Variants in PARG observed in about 807,000 individuals in gnomAD.
PARG encodes poly(ADP-ribose) glycohydrolase, also known as mitochondrial poly(ADP-ribose) glycohydrolase.
PARG carries 35 observed loss-of-function variants against 113.0 expected under a neutral mutation model. That is an observed-to-expected ratio of 0.31 (90% CI 0.24 to 0.41). The LOEUF (loss-of-function observed/expected upper bound fraction) is 0.41, where lower values mean the gene tolerates loss of function less well. Ranked by LOEUF, PARG falls within the 10% of genes least tolerant of loss-of-function variation. PARG has a pLI of 1.00. For synonymous variants in PARG, 330 were observed against 409.9 expected (o/e 0.81, Z 2.36); for missense variants, 797 against 1,169.4 (o/e 0.68, Z 4.64).
intron 4 of PARG, among the ~76,000 whole-genome samples, chr10:49,925,262 T>C (rs1276011333): frequency 3.9e-5 from 6 of 152,156 alleles, no homozygotes; most frequent in East Asian, 1.9e-4. Context: ...TAATGAAGCA[T>C]CTGGTAAGAG....
At chr10:49,844,760 CAAA>C (rs1373027226) in intron 13 of PARG, among the ~76,000 whole-genome samples, 1 of 151,470 alleles carries the variant, frequency 6.6e-6, no homozygotes, top group Non-Finnish European at 1.5e-5. Flanking sequence ...AAAACAAAAA[CAAA>C]AACAAAAAAC....
chr10:49,905,244 T>C (rs1186699625), intron 7 of PARG, among the ~76,000 whole-genome samples: 2 of 152,292 alleles, frequency 1.3e-5, no homozygotes, highest in Non-Finnish European at 2.9e-5. Context: ...AGACTGATAG[T>C]GGAATGTCAG....
At chr10:49,918,588 T>C (rs1837630701) in intron 6 of PARG, among the ~76,000 whole-genome samples, 1 of 152,234 alleles carries the variant, frequency 6.6e-6, no homozygotes. Flanking sequence ...AGTACTACTG[T>C]GTAAATCAAC....
At chr10:49,835,858 G>C (rs1170542606) in intron 15 of PARG, among the ~76,000 whole-genome samples, 1 of 152,040 alleles carries the variant, frequency 6.6e-6, no homozygotes, top group African/African-American at 2.4e-5. Context: ...AAGCACAAAC[G>C]TGACGATGGT....
chr10:49,933,456 T>C lies in PARG; in HGVS notation c.992A>G (p.Asp331Gly). 1 of 1,612,430 alleles carries C rather than the reference T, an allele frequency of 6.2e-7. No homozygotes were observed. The highest frequency in any genetic ancestry group is 8.5e-7 in the Non-Finnish European group (1 of 1,178,536). ...ETSPGFDEQE[D>G]GSSSQTANKP... is the part of the protein sequence containing the mutation. ...ATTTGCTGTTTGGGAGGAACTACCA[T>C]CTTCTTGTTCATCAAAACCTGGACT... Residue 331 changes from aspartate to glycine, a missense_variant, in exon 3 of 18, where the codon GAT (aspartate) becomes GGT (glycine). Around this residue, in one of 5 missense-constraint regions of PARG, gnomAD observed 252 missense variants for 437.4 expected, o/e 0.58. Transcript: ENST00000616448.
chr10:49,834,205 C>T (rs2132408016), intron 15 of PARG, among the ~76,000 whole-genome samples: 1 of 152,182 alleles, frequency 6.6e-6, no homozygotes, highest in South Asian at 2.1e-4. Context: ...TGAATAGGCT[C>T]TTGAAAGATA....
intron 15 of PARG, among the ~76,000 whole-genome samples, chr10:49,841,739 A>C (rs2132446006): frequency 6.6e-6 from 1 of 152,352 alleles, no homozygotes; most frequent in Non-Finnish European, 1.5e-5. Flanking sequence ...AAAACTAAGC[A>C]ACAGCCTATC....
chr10:49,866,765 T>C (rs1185551490), intron 10 of PARG, among the ~76,000 whole-genome samples: 8 of 152,182 alleles, frequency 5.3e-5, no homozygotes, highest in Non-Finnish European at 1.5e-5. Flanking sequence ...CATCTCAGAA[T>C]AGGATACTTT....
At chr10:49,917,008 T>TA (rs1236606487) in intron 6 of PARG, among the ~76,000 whole-genome samples, 1 of 152,036 alleles carries the variant, frequency 6.6e-6, no homozygotes, top group African/African-American at 2.4e-5. Flanking sequence ...GTATCTAGGT[T>TA]AAAAGATGAG....
chr10:49,854,321 T>C lies in PARG; in HGVS notation c.2353+2985A>G, dbSNP rs564805278. On this transcript the variant is annotated intron_variant, in intron 13 of 17. Transcript: ENST00000616448. ...GTCTTTACTTTACAGGACTTGGAGCTTGGCCAGTAGGAAAAGCGTAATTCT... is the reference window on the plus strand; with the variant it reads ...GTCTTTACTTTACAGGACTTGGAGCCTGGCCAGTAGGAAAAGCGTAATTCT... Among the ~76,000 whole-genome samples, 49 of 152,140 alleles carry C rather than the reference T, an allele frequency of 3.2e-4. 1 individual carries two copies. Among genetic ancestry groups the C allele is most frequent in the African/African-American group, 9.9e-4 (41 of 41,496 alleles).
At chr10:49,927,767 CAA>C (rs374657450) in intron 4 of PARG, among the ~76,000 whole-genome samples, 627 of 151,798 alleles carry the variant, frequency 4.1e-3, no homozygotes, top group East Asian at 0.016. Flanking sequence ...GCCTGGAGTT[CAA>C]AATCAGCCTG....
chr10:49,878,550 G>A (rs1554838801), intron 9 of PARG, among the ~76,000 whole-genome samples: 1 of 145,424 alleles, frequency 6.9e-6, no homozygotes, highest in Non-Finnish European at 1.5e-5. Context: ...CCCGGGAGGT[G>A]GAGGTTTCAG....
In PARG at chr10:49,933,273, C is replaced by T; in HGVS notation, c.1175G>A (p.Ser392Asn). 4 of 1,602,860 alleles carry T rather than the reference C, an allele frequency of 2.5e-6. No homozygotes were observed. The highest frequency in any genetic ancestry group is 2.2e-5 in the East Asian group (1 of 44,794). ...AGAATTTCTGCATTCTACATTCAGG[C>T]TAGAAATATTTCCAGGTAGTTTAGC... ...LNAKLPGNISSLNVECRNSKQ... is the reference protein window; with the variant it reads ...LNAKLPGNISNLNVECRNSKQ... The change falls in exon 3 of 18, where the codon AGC (serine) becomes AAC (asparagine). Residue 392 changes from serine (S) to asparagine (N), a missense_variant. Coordinates refer to ENST00000616448, the MANE Select transcript of PARG (RefSeq NM_003631.5).
At chr10:49,901,886 G>A (rs1247336073) in intron 7 of PARG, among the ~76,000 whole-genome samples, 1 of 152,178 alleles carries the variant, frequency 6.6e-6, no homozygotes, top group Non-Finnish European at 1.5e-5. Context: ...GGATGACCTA[G>A]TACATTTCTA....
intron 16 of PARG, among the ~76,000 whole-genome samples, chr10:49,820,547 C>T (rs1588852461): frequency 1.3e-5 from 2 of 151,858 alleles, no homozygotes; most frequent in South Asian, 4.2e-4. Context: ...CATGGTGAAA[C>T]CCTACTAAAA....
chr10:49,902,181 A>G (rs1257988687), intron 7 of PARG, among the ~76,000 whole-genome samples: 4 of 152,208 alleles, frequency 2.6e-5, no homozygotes, highest in Non-Finnish European at 5.9e-5. Context: ...AGATACAACT[A>G]CAGATGATTA....
chr10:49,925,438 T>C (rs1433849659), intron 4 of PARG, among the ~76,000 whole-genome samples: 3 of 152,130 alleles, frequency 2.0e-5, no homozygotes, highest in African/African-American at 7.2e-5. Context: ...CCCTTTCGAG[T>C]TGTCCTGCCT....
At chr10:49,933,119 C>G in intron 3 of PARG, 58 bp downstream of exon 3, 3 of 1,299,024 alleles carry the variant, frequency 2.3e-6, no homozygotes, top group Admixed American at 2.1e-5. Context: ...GTTAAACTCC[C>G]TTACAAAACT....
At chr10:49,854,479 C>T (rs1256937748) in intron 13 of PARG, among the ~76,000 whole-genome samples, 1 of 152,126 alleles carries the variant, frequency 6.6e-6, no homozygotes, top group Non-Finnish European at 1.5e-5. Context: ...AGAATGTCCA[C>T]AAAGGGCTTT....
Sources: allele counts gnomAD v4.1 joint callset (sites outside exome capture counted in the v4.1 genomes callset), GRCh38; gene constraint gnomAD v4.1.1; regional missense constraint gnomAD v4.1.1; transcripts MANE v1.5; gene names NCBI Gene and HGNC (gene_info 2026-07-23, HGNC 2026-07-21).